The following PCDH15 variants were observed in gnomAD, a reference collection of about 807,000 sequenced individuals.
PCDH15 encodes the protein protocadherin related 15.
In PCDH15, 129 loss-of-function variants were observed where a neutral mutation model predicts 178.5. The ratio of observed to expected loss-of-function variants is 0.72; its 90% CI spans 0.63 to 0.84. The LOEUF is 0.84. PCDH15 is among the 40% of genes least tolerant of loss of function. The pLI is 0.00. For synonymous variants in PCDH15, 800 were observed against 732.0 expected (o/e 1.09, Z -1.50); for missense variants, 2,230 against 2,099.9 (o/e 1.06, Z -1.21).
chr10:54,069,439 T>G (rs1395494686), intron 17 of PCDH15, among the ~76,000 whole-genome samples: 1 of 152,160 alleles, frequency 6.6e-6, no homozygotes, highest in East Asian at 1.9e-4. Flanking sequence ...TAATAGGGGA[T>G]GATATTTATG....
intron 3 of PCDH15, among the ~76,000 whole-genome samples, chr10:54,817,529 C>T (rs545455551): frequency 3.9e-5 from 6 of 152,050 alleles, no homozygotes; most frequent in Admixed American, 1.3e-4. Context: ...CCTGTGACCT[C>T]GCCCATCACC....
At chr10:53,880,791 T>C (rs2080651596) in intron 26 of PCDH15, among the ~76,000 whole-genome samples, 1 of 152,130 alleles carries the variant, frequency 6.6e-6, no homozygotes, top group Non-Finnish European at 1.5e-5. Context: ...ACACTAATTG[T>C]AAAGAAGACT....
chr10:54,431,151 A>G (rs1405224763), intron 3 of PCDH15, among the ~76,000 whole-genome samples: 1 of 152,174 alleles, frequency 6.6e-6, no homozygotes, highest in Non-Finnish European at 1.5e-5. Context: ...CCAGGACCCA[A>G]TAGCTTCACT....
chr10:54,998,890 A>C (rs915792360), intron 2 of PCDH15, among the ~76,000 whole-genome samples: 17 of 152,178 alleles, frequency 1.1e-4, no homozygotes, highest in African/African-American at 3.9e-4. Flanking sequence ...AAATATCCAC[A>C]ACGTGTATGT....
chr10:54,453,383 C>T (rs1443446525), intron 3 of PCDH15, among the ~76,000 whole-genome samples: 4 of 151,894 alleles, frequency 2.6e-5, no homozygotes, highest in African/African-American at 9.7e-5. Flanking sequence ...AAACCATCAT[C>T]CTCAGCAAAC....
intron 3 of PCDH15, among the ~76,000 whole-genome samples, chr10:54,813,092 C>T (rs769582325): frequency 1.3e-5 from 2 of 152,076 alleles, no homozygotes; most frequent in African/African-American, 2.4e-5. Context: ...CCTGGATTGC[C>T]GAACACCATG....
chr10:54,710,723 G>A (rs766081053), intron 1 of PCDH15, among the ~76,000 whole-genome samples: 2 of 151,930 alleles, frequency 1.3e-5, no homozygotes, highest in Non-Finnish European at 2.9e-5. Context: ...ATTTATTTTA[G>A]CAGGAAAAAA....
intron 6 of PCDH15, among the ~76,000 whole-genome samples, chr10:54,330,970 G>A (rs1247307435): frequency 6.6e-6 from 1 of 151,510 alleles, no homozygotes; most frequent in Non-Finnish European, 1.5e-5. Context: ...CAAAAGGAAG[G>A]AAAGAGAGGG....
At chr10:54,222,200 T>A (rs1385043706) in intron 9 of PCDH15, among the ~76,000 whole-genome samples, 1 of 152,212 alleles carries the variant, frequency 6.6e-6, no homozygotes, top group African/African-American at 2.4e-5. Flanking sequence ...ATATGATATG[T>A]CTATGTCTAA....
At chr10:55,314,213 A>G (rs976458051) in intron 1 of PCDH15, among the ~76,000 whole-genome samples, 9 of 147,306 alleles carry the variant, frequency 6.1e-5, no homozygotes, top group African/African-American at 1.7e-4. Flanking sequence ...ATATATATAT[A>G]TATATATGTA....
At chr10:54,978,922 A>G (rs1839147053) in intron 2 of PCDH15, among the ~76,000 whole-genome samples, 1 of 152,188 alleles carries the variant, frequency 6.6e-6, no homozygotes, top group African/African-American at 2.4e-5. Context: ...CTTTTGTCAT[A>G]GGGCACCCCA....
chr10:55,360,883 A>G (rs181089103), intron 2 of PCDH15, among the ~76,000 whole-genome samples: 2 of 152,050 alleles, frequency 1.3e-5, no homozygotes, highest in African/African-American at 2.4e-5. Flanking sequence ...AAAGATAAGC[A>G]TGAGAATGTT....
chr10:54,804,938 T>TATATATATATATATATAC (rs1328208893), upstream of PCDH15, among the ~76,000 whole-genome samples: 198 of 126,406 alleles, frequency 1.6e-3, 19 homozygotes, highest in East Asian at 0.018. Context: ...TATATATATA[T>TATATATATATATATATAC]ATATATATAT....
intron 37 of PCDH15, chr10:53,808,655 C>T (rs2075746311): frequency 6.3e-7 from 1 of 1,593,776 alleles, no homozygotes; most frequent in Non-Finnish European, 8.6e-7. Flanking sequence ...CACGAGAGCA[C>T]TCATCACAGC....
intron 25 of PCDH15, among the ~76,000 whole-genome samples, chr10:53,922,078 A>G (rs888435569): frequency 1.3e-5 from 2 of 152,108 alleles, no homozygotes; most frequent in Admixed American, 6.6e-5. Context: ...ATGTATATAC[A>G]TTATCCGGTT....
chr10:54,321,092 C>CAT (rs5785060), intron 7 of PCDH15, among the ~76,000 whole-genome samples: 105,802 of 150,028 alleles, frequency 0.71, 38,068 homozygotes, highest in Middle Eastern at 0.81. Flanking sequence ...TTCTCAATAA[C>CAT]AAATAAGTTA....
rs868611741 is a variant in PCDH15 at position 54,101,434 on chromosome 10, G to T, written c.1918-11371C>A. ...CATCAACACTTTGAGCTAAAAAAAT[G>T]ACAAATGAGTGAAATACACAATTCA... On this transcript the variant is annotated intron_variant, in intron 15 of 37. Transcript: ENST00000644397. Among the ~76,000 whole-genome samples the T allele has an allele frequency of 3.3e-5, 5 of 152,098 alleles. No individual in the cohort carries two copies. In the South Asian group the frequency reaches 6.2e-4, roughly 19 times the overall value.
At chr10:54,105,243 G>GAGATAT (rs1381693311) in intron 15 of PCDH15, among the ~76,000 whole-genome samples, 11 of 141,746 alleles carry the variant, frequency 7.8e-5, no homozygotes, top group Admixed American at 5.8e-4. Flanking sequence ...GAACTAACAA[G>GAGATAT]AGATATAGAT....
intron 15 of PCDH15, among the ~76,000 whole-genome samples, chr10:54,097,153 T>G (rs2094715010): frequency 6.6e-6 from 1 of 152,126 alleles, no homozygotes; most frequent in Non-Finnish European, 1.5e-5. Flanking sequence ...CCATTTTCAA[T>G]GCAGCATCCA....
Sources: gnomAD v4.1 joint callset for allele counts (sites outside exome capture counted in the v4.1 genomes callset) on GRCh38, gnomAD v4.1.1 for gene constraint, MANE v1.5 for transcripts, NCBI Gene and HGNC (gene_info 2026-07-23, HGNC 2026-07-21) for gene names.